PTPRD: variants seen among roughly 807,000 people sequenced by gnomAD.
The protein encoded by PTPRD is protein tyrosine phosphatase receptor type D.
A neutral mutation model predicts 214.5 loss-of-function variants in PTPRD; 34 were observed. That is an observed-to-expected ratio of 0.16 (90% CI 0.12 to 0.21). The LOEUF is 0.21. Among genes scored for constraint, PTPRD ranks in the 10% least tolerant of loss-of-function variants. The pLI is 1.00. For missense variants in PTPRD, 2,545 were observed against 2,398.7 expected, an observed-to-expected ratio of 1.06 and a Z score of -1.27; for synonymous variants, 1,128 against 845.7, an observed-to-expected ratio of 1.33 and a Z score of -5.79.
intron 2 of PTPRD, among the ~76,000 whole-genome samples, chr9:10,350,401 G>A (rs2097161973): frequency 6.6e-6 from 1 of 151,758 alleles, no homozygotes; most frequent in South Asian, 2.1e-4. Flanking sequence ...ATACTTTAGG[G>A]TGGCTCACTT....
chr9:10,337,480 G>A (rs2096863955), intron 3 of PTPRD, among the ~76,000 whole-genome samples: 1 of 151,604 alleles, frequency 6.6e-6, no homozygotes, highest in African/African-American at 2.4e-5. Context: ...TAGTTTAATA[G>A]GTCCTAAAGA....
chr9:9,099,730 T>C (rs1424863148), intron 10 of PTPRD, among the ~76,000 whole-genome samples: 2 of 152,330 alleles, frequency 1.3e-5, no homozygotes, highest in East Asian at 3.9e-4. Context: ...GAAGTGAGGA[T>C]TACTTTTTTA....
chr9:9,404,277 C>A (rs1295497422), intron 8 of PTPRD, among the ~76,000 whole-genome samples: 7 of 152,016 alleles, frequency 4.6e-5, no homozygotes, highest in Non-Finnish European at 1.0e-4. Context: ...CTGTAGAAAA[C>A]TGAAAGCCAA....
chr9:8,473,340 A>G (rs1020771892), intron 30 of PTPRD, among the ~76,000 whole-genome samples: 1 of 152,124 alleles, frequency 6.6e-6, no homozygotes, highest in African/African-American at 2.4e-5. Context: ...CTTTTATGTT[A>G]TGATCCAGAG....
chr9:9,993,635 G>A (rs1358921197), intron 4 of PTPRD, among the ~76,000 whole-genome samples: 1 of 152,156 alleles, frequency 6.6e-6, no homozygotes, highest in African/African-American at 2.4e-5. Flanking sequence ...TAACTTTGGA[G>A]AGGAAGCAGG....
intron 11 of PTPRD, among the ~76,000 whole-genome samples, chr9:8,797,441 A>C (rs150358560): frequency 7.3e-4 from 111 of 152,338 alleles, no homozygotes; most frequent in African/African-American, 2.5e-3. Context: ...AGCACACAGA[A>C]TCTTGATGAT....
chr9:9,410,662 T>A (rs543554156), intron 8 of PTPRD, among the ~76,000 whole-genome samples: 1 of 152,274 alleles, frequency 6.6e-6, no homozygotes, highest in South Asian at 2.1e-4. Context: ...GGATTAGAAT[T>A]AGAAAAAGAC....
chr9:10,591,588 T>C (rs563584254), intron 2 of PTPRD, among the ~76,000 whole-genome samples: 23 of 152,032 alleles, frequency 1.5e-4, no homozygotes, highest in Non-Finnish European at 2.4e-4. Context: ...ATCACCTTGT[T>C]GGAAACAGAA....
intron 3 of PTPRD, among the ~76,000 whole-genome samples, chr9:10,318,454 C>T (rs899513329): frequency 6.6e-6 from 1 of 151,974 alleles, no homozygotes; most frequent in Non-Finnish European, 1.5e-5. Flanking sequence ...GCCTCAGGTT[C>T]CCGTCAGGCC....
intron 10 of PTPRD, among the ~76,000 whole-genome samples, chr9:9,044,822 G>C (rs183061221): frequency 6.6e-6 from 1 of 152,204 alleles, no homozygotes; most frequent in East Asian, 1.9e-4. Flanking sequence ...AGGAATGACA[G>C]GTATTTTTGA....
At chr9:10,467,215 C>A (rs1283340513) in intron 2 of PTPRD, among the ~76,000 whole-genome samples, 2 of 152,166 alleles carry the variant, frequency 1.3e-5, no homozygotes, top group African/African-American at 4.8e-5. Flanking sequence ...AAAAACTTGG[C>A]TCTACTCTCA....
chr9:8,593,619 A>G (rs10511504), intron 14 of PTPRD, among the ~76,000 whole-genome samples: 16,608 of 152,222 alleles, frequency 0.11, 2,556 homozygotes, highest in African/African-American at 0.35. Flanking sequence ...AATAGCAGAA[A>G]TGTCTCACAA....
chr9:9,022,841 T>A (rs1446399081), intron 10 of PTPRD, among the ~76,000 whole-genome samples: 2 of 152,134 alleles, frequency 1.3e-5, no homozygotes, highest in African/African-American at 4.8e-5. Flanking sequence ...CTTTTACATA[T>A]TCGTAGAGAT....
chr9:10,164,646 G>A, intron 3 of PTPRD, among the ~76,000 whole-genome samples: 1 of 151,526 alleles, frequency 6.6e-6, no homozygotes, highest in South Asian at 2.1e-4. Flanking sequence ...TAATTGTTAA[G>A]TGGGCAGTTC....
intron 14 of PTPRD, among the ~76,000 whole-genome samples, chr9:8,580,320 A>G (rs1257377148): frequency 2.6e-5 from 4 of 152,222 alleles, no homozygotes; most frequent in Admixed American, 2.0e-4. Flanking sequence ...TGAAGCAGTA[A>G]TAAGAAAATA....
At chr9:10,326,271 A>G (rs946612874) in intron 3 of PTPRD, among the ~76,000 whole-genome samples, 12 of 151,764 alleles carry the variant, frequency 7.9e-5, no homozygotes, top group African/African-American at 2.9e-4. Context: ...TGTCCAAAAA[A>G]GAGTTCCTCT....
At chr9:10,581,087 C>T (rs906335476) in intron 2 of PTPRD, among the ~76,000 whole-genome samples, 1 of 152,120 alleles carries the variant, frequency 6.6e-6, no homozygotes, top group Non-Finnish European at 1.5e-5. Context: ...ATTACAAATG[C>T]CATCTCTGGG....
intron 3 of PTPRD, among the ~76,000 whole-genome samples, chr9:10,268,762 G>A (rs573609037): frequency 1.3e-5 from 2 of 152,086 alleles, no homozygotes; most frequent in East Asian, 1.9e-4. Flanking sequence ...CTCTCTCAAC[G>A]GCTACCGTCT....
At position 10,489,610 on chromosome 9, in the gene PTPRD, T is replaced by C. The variant is rs140453248; in HGVS notation, c.-600+122788A>G. On this transcript the variant is annotated intron_variant, in intron 2 of 45. Transcript: ENST00000381196. ...CACTTTGGCCTGCAGCTGCTGAGAC[T>C]TGGGGAGACTACCATCATTGTAGTA... 3.0e-3 allele frequency among the ~76,000 whole-genome samples: 462 copies of C among 152,230 alleles called. 4 individuals are homozygous for C. Among genetic ancestry groups the C allele is most frequent in the African/African-American group, 0.01 (431 of 41,550 alleles).
Sources: gnomAD v4.1 joint callset for allele counts (sites outside exome capture counted in the v4.1 genomes callset) on GRCh38, gnomAD v4.1.1 for gene constraint, MANE v1.5 for transcripts, NCBI Gene and HGNC (gene_info 2026-07-23, HGNC 2026-07-21) for gene names.